Variants in GABRG3 observed in about 807,000 individuals in gnomAD.
GABRG3 encodes gamma-aminobutyric acid type A receptor subunit gamma3.
GABRG3 carries 25 observed loss-of-function variants against 48.8 expected under a neutral mutation model. The ratio of observed to expected loss-of-function variants is 0.51; its 90% confidence interval spans 0.37 to 0.72. The LOEUF is 0.72. Among genes scored for constraint, GABRG3 ranks in the 30% least tolerant of loss-of-function variants. GABRG3 has a pLI of 0.00. For synonymous variants in GABRG3, 227 were observed against 217.6 expected (o/e 1.04, Z -0.38); for missense variants, 394 against 577.9 (o/e 0.68, Z 3.26).
chr15:27,033,588 A>G (rs1896125116), intron 3 of GABRG3, among the ~76,000 whole-genome samples: 1 of 152,168 alleles, frequency 6.6e-6, no homozygotes, highest in Non-Finnish European at 1.5e-5. Flanking sequence ...TTTCTATAAA[A>G]TAATGATGCT....
At chr15:26,996,678 C>G (rs564872371) in intron 2 of GABRG3, among the ~76,000 whole-genome samples, 9,711 of 151,134 alleles carry the variant, frequency 0.064, 354 homozygotes, top group East Asian at 0.18. Context: ...GAGACAGAGT[C>G]TTGCTCAGTC....
intron 3 of GABRG3, among the ~76,000 whole-genome samples, chr15:27,140,184 G>A (rs1454804787): frequency 6.6e-6 from 1 of 152,188 alleles, no homozygotes; most frequent in Non-Finnish European, 1.5e-5. Flanking sequence ...AGGGGGTTGT[G>A]GGACTCCTAA....
intron 3 of GABRG3, among the ~76,000 whole-genome samples, chr15:27,264,372 C>T (rs186810361): frequency 1.1e-3 from 171 of 152,030 alleles, no homozygotes; most frequent in Admixed American, 6.7e-3. Context: ...TCAAAACTGC[C>T]CCTCAAAAAT....
intron 6 of GABRG3, among the ~76,000 whole-genome samples, chr15:27,508,355 A>G (rs1230963919): frequency 6.6e-6 from 1 of 152,174 alleles, no homozygotes; most frequent in Admixed American, 6.5e-5. Context: ...TTGACCTCCA[A>G]ATAGTATTAT....
chr15:27,126,196 A>C (rs1488840071), intron 3 of GABRG3, among the ~76,000 whole-genome samples: 6 of 152,170 alleles, frequency 3.9e-5, no homozygotes, highest in Admixed American at 3.9e-4. Context: ...TTCTTTACTA[A>C]ACACTTTATA....
intron 3 of GABRG3, among the ~76,000 whole-genome samples, chr15:27,217,771 A>T (rs1889311711): frequency 6.6e-6 from 1 of 152,200 alleles, no homozygotes; most frequent in Non-Finnish European, 1.5e-5. Flanking sequence ...TAGTGTCAAA[A>T]AGAGGACTTG....
chr15:27,258,073 C>T (rs1365109176), intron 3 of GABRG3, among the ~76,000 whole-genome samples: 3 of 152,254 alleles, frequency 2.0e-5, no homozygotes, highest in South Asian at 4.1e-4. Flanking sequence ...TGGAAACGCC[C>T]TGCTGTCCTT....
chr15:27,160,726 G>T (rs1436398165), intron 3 of GABRG3, among the ~76,000 whole-genome samples: 1 of 150,812 alleles, frequency 6.6e-6, no homozygotes, highest in African/African-American at 2.4e-5. Flanking sequence ...GTCTCACATT[G>T]CTTCTGTTTG....
intron 3 of GABRG3, among the ~76,000 whole-genome samples, chr15:27,155,872 G>A (rs766645445): frequency 6.6e-6 from 1 of 152,144 alleles, no homozygotes; most frequent in African/African-American, 2.4e-5. Context: ...AACCACCTTA[G>A]TTGAGGGATG....
chr15:27,414,498 A>G (rs1279786308), intron 5 of GABRG3, among the ~76,000 whole-genome samples: 1 of 152,200 alleles, frequency 6.6e-6, no homozygotes, highest in African/African-American at 2.4e-5. Context: ...TTTTAAACAA[A>G]TAAAAGCTGC....
At chr15:27,494,402 A>G (rs1890432318) in intron 6 of GABRG3, among the ~76,000 whole-genome samples, 1 of 152,080 alleles carries the variant, frequency 6.6e-6, no homozygotes, top group Non-Finnish European at 1.5e-5. Flanking sequence ...GTCCTGGAAG[A>G]GTTTGTGTAG....
At chr15:27,480,894 A>G in intron 6 of GABRG3, 107 bp downstream of exon 6, 2 of 1,465,316 alleles carry the variant, frequency 1.4e-6, no homozygotes, top group Non-Finnish European at 1.8e-6. Context: ...ATGATACATA[A>G]GTGATATTTG....
intron 3 of GABRG3, among the ~76,000 whole-genome samples, chr15:27,174,983 T>G (rs762808519): frequency 5.3e-5 from 8 of 152,164 alleles, no homozygotes; most frequent in Non-Finnish European, 7.3e-5. Context: ...AACCTTCCAT[T>G]GCTCTGAGCT....
intron 2 of GABRG3, among the ~76,000 whole-genome samples, chr15:27,020,926 G>A (rs1243374501): frequency 6.6e-6 from 1 of 152,254 alleles, no homozygotes; most frequent in South Asian, 2.1e-4. Context: ...TCGTCATCAT[G>A]TTCTAGGGGA....
intron 5 of GABRG3, among the ~76,000 whole-genome samples, chr15:27,411,192 G>C (rs79636924): frequency 0.053 from 8,018 of 152,120 alleles, 441 homozygotes; most frequent in East Asian, 0.19. Context: ...GATGTTAAAC[G>C]ACTGTGGTTA....
intron 5 of GABRG3, among the ~76,000 whole-genome samples, chr15:27,389,154 A>G (rs1019760692): frequency 1.3e-5 from 2 of 152,228 alleles, no homozygotes; most frequent in Non-Finnish European, 2.9e-5. Flanking sequence ...CACACAAGAA[A>G]GATCCAAATA....
intron 3 of GABRG3, among the ~76,000 whole-genome samples, chr15:27,089,494 G>A (rs1333333569): frequency 1.3e-5 from 2 of 152,092 alleles, no homozygotes; most frequent in Admixed American, 6.5e-5. Context: ...GGGTACATCC[G>A]GGGTCCATAG....
chr15:27,232,995 G>A (rs1420938429), intron 3 of GABRG3, among the ~76,000 whole-genome samples: 1 of 152,186 alleles, frequency 6.6e-6, no homozygotes, highest in Non-Finnish European at 1.5e-5. Context: ...AGGCTGCTGT[G>A]GGCATCAGTC....
intron 5 of GABRG3, among the ~76,000 whole-genome samples, chr15:27,396,989 G>T (rs1273497524): frequency 6.6e-6 from 1 of 152,202 alleles, no homozygotes; most frequent in Non-Finnish European, 1.5e-5. Flanking sequence ...ATGGGAAAAT[G>T]TAGGGAGTGA....
Sources: allele counts gnomAD v4.1 joint callset (sites outside exome capture counted in the v4.1 genomes callset), GRCh38; gene constraint gnomAD v4.1.1; transcripts MANE v1.5; gene names NCBI Gene and HGNC (gene_info 2026-07-23, HGNC 2026-07-21).